CYP7B1: variants seen among roughly 807,000 people sequenced by gnomAD.
CYP7B1 encodes the protein cytochrome P450 family 7 subfamily B member 1.
Under a neutral mutation model 42.7 loss-of-function variants are expected in CYP7B1, and 29 were observed. That is an observed-to-expected ratio of 0.68 (90% CI 0.51 to 0.93). The LOEUF is 0.93. Ranked by LOEUF, CYP7B1 falls within the 40% of genes least tolerant of loss-of-function variation. CYP7B1 has a pLI of 0.00. For synonymous variants in CYP7B1, 235 were observed against 218.2 expected (o/e 1.08, Z -0.68); for missense variants, 655 against 600.5 (o/e 1.09, Z -0.95).
intron 1 of CYP7B1, among the ~76,000 whole-genome samples, chr8:64,749,589 G>C (rs1389143297): frequency 6.6e-6 from 1 of 152,220 alleles, no homozygotes; most frequent in South Asian, 2.1e-4. Context: ...AGATACGTAA[G>C]AAACTCTGGG....
At chr8:64,746,901 C>T (rs1327923518) in intron 1 of CYP7B1, among the ~76,000 whole-genome samples, 1 of 151,746 alleles carries the variant, frequency 6.6e-6, no homozygotes, top group Non-Finnish European at 1.5e-5. Context: ...ATTTATAAAT[C>T]CATAAAATTG....
chr8:64,728,370 C>A (rs1402494925), intron 1 of CYP7B1, among the ~76,000 whole-genome samples: 1 of 152,186 alleles, frequency 6.6e-6, no homozygotes, highest in African/African-American at 2.4e-5. Context: ...TACTGCTTCT[C>A]TCTAGAGAGC....
At chr8:64,638,483 C>A (rs1563372443) in intron 1 of CYP7B1, among the ~76,000 whole-genome samples, 1 of 151,936 alleles carries the variant, frequency 6.6e-6, no homozygotes. Flanking sequence ...TTGAATTTTT[C>A]TTTATAGTTT....
chr8:64,762,192 G>GT (rs1807900894), intron 1 of CYP7B1, among the ~76,000 whole-genome samples: 1 of 152,048 alleles, frequency 6.6e-6, no homozygotes. Flanking sequence ...CATTATAGCT[G>GT]TAATTTTATG....
intron 1 of CYP7B1, among the ~76,000 whole-genome samples, chr8:64,635,955 C>A (rs1488406876): frequency 6.6e-6 from 1 of 152,182 alleles, no homozygotes; most frequent in Admixed American, 6.5e-5. Flanking sequence ...AGATTTCAAC[C>A]AGAGAAGTCT....
intron 1 of CYP7B1, among the ~76,000 whole-genome samples, chr8:64,797,756 T>G (rs1804726786): frequency 6.6e-6 from 1 of 152,184 alleles, no homozygotes; most frequent in Non-Finnish European, 1.5e-5. Flanking sequence ...CAGAGCAGTA[T>G]GAAAATAGGA....
intron 1 of CYP7B1, among the ~76,000 whole-genome samples, chr8:64,699,401 G>A (rs1048935309): frequency 2.0e-5 from 3 of 151,778 alleles, no homozygotes; most frequent in Admixed American, 1.3e-4. Context: ...AAATTTTCTT[G>A]GTGTACAGTA....
At chr8:64,683,804 T>G (rs1806578072) in intron 1 of CYP7B1, among the ~76,000 whole-genome samples, 1 of 151,318 alleles carries the variant, frequency 6.6e-6, no homozygotes. Context: ...TAAAAATACT[T>G]TTTTTTTTCC....
intron 1 of CYP7B1, among the ~76,000 whole-genome samples, chr8:64,795,048 A>G (rs529701819): frequency 2.6e-5 from 4 of 152,160 alleles, no homozygotes; most frequent in Non-Finnish European, 4.4e-5. Context: ...AAAAGTGTCA[A>G]TTTTCCGAAA....
In CYP7B1 at chr8:64,798,600, A is replaced by G; in HGVS notation, c.-13T>C. The G allele has an allele frequency of 6.9e-7, 1 of 1,456,426 alleles. No individual in the cohort carries two copies. Among genetic ancestry groups the G allele is most frequent in the Non-Finnish European group, 9.0e-7 (1 of 1,114,058 alleles). 90.2% of individuals were successfully genotyped at this position (1,456,426 alleles called of 1,614,324 possible). A position where few individuals can be genotyped will look rare whatever the true frequency, so the allele number is the denominator to read the frequency against. Reference sequence around the variant, plus strand: ...CTTCTCCTGCCATCCGGCGCGCGCTAGGCCGCGGTGGGCAGCCCGGGGTCT... The same window carrying G: ...CTTCTCCTGCCATCCGGCGCGCGCTGGGCCGCGGTGGGCAGCCCGGGGTCT... On this transcript the variant is annotated 5_prime_UTR_variant, in exon 1 of 6. Transcript: ENST00000310193.
At chr8:64,630,082 C>T (rs1011637141) in intron 1 of CYP7B1, among the ~76,000 whole-genome samples, 2 of 152,132 alleles carry the variant, frequency 1.3e-5, no homozygotes, top group East Asian at 1.9e-4. Flanking sequence ...TGAGAAGGCA[C>T]CCTGGGGAAG....
intron 1 of CYP7B1, among the ~76,000 whole-genome samples, chr8:64,793,424 A>C (rs1468587493): frequency 6.6e-6 from 1 of 151,928 alleles, no homozygotes; most frequent in Non-Finnish European, 1.5e-5. Flanking sequence ...AAGAATGGAG[A>C]CATCTTTGTT....
At chr8:64,634,617 G>T (rs867983414) in intron 1 of CYP7B1, among the ~76,000 whole-genome samples, 7 of 151,630 alleles carry the variant, frequency 4.6e-5, no homozygotes, top group Non-Finnish European at 4.4e-5. Context: ...ATGCTATGTT[G>T]GTGTTAAAAG....
intron 1 of CYP7B1, among the ~76,000 whole-genome samples, chr8:64,785,373 T>C (rs1036238521): frequency 3.9e-5 from 6 of 151,970 alleles, no homozygotes; most frequent in African/African-American, 1.5e-4. Flanking sequence ...CCCAAACGAG[T>C]TCAAAACTGA....
chr8:64,615,027 T>G lies in CYP7B1; in HGVS notation c.1056A>C (p.Leu352=). ...TCATAACAGATAAAAATAAATTACCTAGGCAGATTAGGCTGTCCAATTGTT... is the reference window on the plus strand; with the variant it reads ...TCATAACAGATAAAAATAAATTACCGAGGCAGATTAGGCTGTCCAATTGTT... ...TREQLDSLIC[L]ESSIFEALRL... The change falls in exon 4 of 6, where the codon CTA becomes CTC. Residue 352 remains leucine (L), a splice_region_variant and synonymous_variant. Transcript: ENST00000310193. 6 of 1,613,478 alleles carry G rather than the reference T, an allele frequency of 3.7e-6. No homozygotes were observed. Among genetic ancestry groups the G allele is most frequent in the Non-Finnish European group, 5.1e-6 (6 of 1,179,588 alleles).
intron 1 of CYP7B1, among the ~76,000 whole-genome samples, chr8:64,663,737 G>A (rs967916575): frequency 3.1e-5 from 4 of 128,320 alleles, no homozygotes; most frequent in South Asian, 2.7e-4. Flanking sequence ...TGACAGACAG[G>A]ACAAGGAAAG....
intron 1 of CYP7B1, among the ~76,000 whole-genome samples, chr8:64,745,571 T>G (rs1433691151): frequency 6.6e-6 from 1 of 152,150 alleles, no homozygotes; most frequent in African/African-American, 2.4e-5. Flanking sequence ...CCACTAATAC[T>G]AACAGACCTG....
At chr8:64,672,992 AAT>A (rs1806388751) in intron 1 of CYP7B1, among the ~76,000 whole-genome samples, 1 of 152,162 alleles carries the variant, frequency 6.6e-6, no homozygotes, top group African/African-American at 2.4e-5. Flanking sequence ...GTCAAGTATG[AAT>A]AGAGTAGTCA....
intron 1 of CYP7B1, among the ~76,000 whole-genome samples, chr8:64,785,867 A>T (rs570197673): frequency 5.3e-4 from 80 of 152,332 alleles, no homozygotes; most frequent in African/African-American, 1.8e-3. Flanking sequence ...GCACAGTTCC[A>T]CATAGCTGGG....
Sources: allele counts gnomAD v4.1 joint callset (sites outside exome capture counted in the v4.1 genomes callset), GRCh38; gene constraint gnomAD v4.1.1; transcripts MANE v1.5; gene names NCBI Gene and HGNC (gene_info 2026-07-23, HGNC 2026-07-21).